PDE11A: variants seen among roughly 807,000 people sequenced by gnomAD.
The protein encoded by PDE11A is phosphodiesterase 11A.
In PDE11A, 100 loss-of-function variants were observed where a neutral mutation model predicts 100.5. The ratio of observed to expected loss-of-function variants is 1.00; its 90% CI spans 0.85 to 1.18. The LOEUF (loss-of-function observed/expected upper bound fraction) is 1.18. Ranked by LOEUF, PDE11A falls within the 50% of genes most tolerant of loss-of-function variation. The pLI is 0.00. For missense variants in PDE11A, 1,141 were observed against 1,152.6 expected (o/e 0.99, Z 0.15); for synonymous variants, 381 against 420.8 (o/e 0.91, Z 1.16).
chr2:177,906,181 G>A (rs532231011), intron 2 of PDE11A, among the ~76,000 whole-genome samples: 4 of 57,620 alleles, frequency 6.9e-5, no homozygotes, highest in Admixed American at 2.8e-4. Flanking sequence ...ACACACACAC[G>A]CACGCACGCA....
At chr2:177,752,050 ACCT>A (rs1041849901) in intron 10 of PDE11A, among the ~76,000 whole-genome samples, 5 of 151,988 alleles carry the variant, frequency 3.3e-5, no homozygotes, top group African/African-American at 4.8e-5. Context: ...CCAGTTCCCC[ACCT>A]CTGCAGCGCT....
At chr2:177,740,922 C>G (rs994871102) in intron 10 of PDE11A, among the ~76,000 whole-genome samples, 1 of 152,136 alleles carries the variant, frequency 6.6e-6, no homozygotes, top group African/African-American at 2.4e-5. Context: ...ACCTCCTGAG[C>G]CAAACAGATG....
At chr2:177,944,763 G>T (rs1360426974) in intron 2 of PDE11A, among the ~76,000 whole-genome samples, 4 of 151,078 alleles carry the variant, frequency 2.6e-5, no homozygotes, top group African/African-American at 9.7e-5. Flanking sequence ...CTCCGAGGCC[G>T]AGGACTCGGT....
At chr2:177,855,514 C>T (rs2083816357) in intron 5 of PDE11A, among the ~76,000 whole-genome samples, 1 of 152,074 alleles carries the variant, frequency 6.6e-6, no homozygotes, top group African/African-American at 2.4e-5. Flanking sequence ...GCATCTCCCT[C>T]TATCCATCTC....
Position 177,988,103 on chromosome 2 carries a change from T to C in PDE11A, c.1071+26199A>G, listed in dbSNP as rs74784467. The stretch of plus-strand genomic sequence containing the variant: ...GAGAATCTTCACTCTAAAGCTCTGA[T>C]GAAAGCAACCCAGGCCTGGATCAAT... On this transcript the variant is annotated intron_variant, in intron 2 of 19. Coordinates refer to ENST00000286063, the MANE Select transcript of PDE11A (RefSeq NM_016953.4). 3.6e-3 allele frequency among the ~76,000 whole-genome samples: 541 copies of C among 152,314 alleles called. 4 individuals are homozygous for C. The highest frequency in any genetic ancestry group is 0.012 in the African/African-American group (516 of 41,554).
At position 177,697,429 on chromosome 2, in the gene PDE11A, G is replaced by C. The variant is rs1413073522; in HGVS notation, c.2248C>G (p.His750Asp). 19 of 1,496,660 alleles carry C rather than the reference G, an allele frequency of 1.3e-5. No individual in the cohort carries two copies. Among genetic ancestry groups the C allele is most frequent in the Non-Finnish European group, 1.7e-5 (18 of 1,073,050 alleles). 92.7% of individuals were successfully genotyped at this position (1,496,660 alleles called of 1,614,324 possible). A position where few individuals can be genotyped will look rare whatever the true frequency, so the allele number is the denominator to read the frequency against. ...GAGGACAGGTTAGCAAAGATATTGT[G>C]ACCCTGTAATGAGAAAGTAAAAAGT... ...HAVMILQSEG[H>D]NIFANLSSKE... The change falls in exon 15 of 20, where the codon CAC becomes GAC. Residue 750 changes from histidine (H) to aspartate (D), a missense_variant. His to Asp is a moderately conservative substitution (Grantham distance 81, BLOSUM62 -1). Coordinates refer to ENST00000286063, the MANE Select transcript of PDE11A (RefSeq NM_016953.4).
At chr2:177,759,173 G>GCGTGCA in intron 10 of PDE11A, among the ~76,000 whole-genome samples, 1 of 147,424 alleles carries the variant, frequency 6.8e-6, no homozygotes, top group East Asian at 2.0e-4. Context: ...TGGAGCACGT[G>GCGTGCA]CACACACACA....
At chr2:178,040,687 G>T (rs1405275222) in intron 1 of PDE11A, among the ~76,000 whole-genome samples, 1 of 152,080 alleles carries the variant, frequency 6.6e-6, no homozygotes, top group African/African-American at 2.4e-5. Flanking sequence ...ATACTAAAAT[G>T]GAATGTTTCT....
chr2:177,755,184 C>T (rs922563363), intron 10 of PDE11A, among the ~76,000 whole-genome samples: 12 of 152,108 alleles, frequency 7.9e-5, no homozygotes, highest in African/African-American at 2.9e-4. Flanking sequence ...TATTTATTTG[C>T]CTTATAATAT....
At chr2:178,043,293 A>G (rs1559052228) in intron 1 of PDE11A, among the ~76,000 whole-genome samples, 1 of 152,180 alleles carries the variant, frequency 6.6e-6, no homozygotes, top group African/African-American at 2.4e-5. Context: ...AAATTTCTCC[A>G]CTGGGTCCTC....
chr2:177,845,857 C>T (rs529708853), intron 5 of PDE11A, among the ~76,000 whole-genome samples: 20 of 152,316 alleles, frequency 1.3e-4, no homozygotes, highest in South Asian at 6.2e-4. Flanking sequence ...AGCGAAACCC[C>T]GTCTCCACCA....
At chr2:177,825,350 A>G (rs138645217) in intron 6 of PDE11A, among the ~76,000 whole-genome samples, 251 of 152,316 alleles carry the variant, frequency 1.6e-3, no homozygotes, top group African/African-American at 5.5e-3. Flanking sequence ...AGGTGAGGCT[A>G]AGGAATGGTG....
At chr2:177,945,746 G>T (rs867127565) in intron 2 of PDE11A, among the ~76,000 whole-genome samples, 1 of 130,528 alleles carries the variant, frequency 7.7e-6, no homozygotes, top group East Asian at 2.4e-4. Context: ...TCAGCCCCCC[G>T]CCCGGCCAGC....
At chr2:177,735,169 G>T (rs953241594) in intron 10 of PDE11A, among the ~76,000 whole-genome samples, 1 of 152,102 alleles carries the variant, frequency 6.6e-6, no homozygotes, top group Non-Finnish European at 1.5e-5. Context: ...GGAACCCCCG[G>T]GAGAGTTTAG....
upstream of PDE11A, among the ~76,000 whole-genome samples, chr2:178,077,266 T>C (rs568948743): frequency 0.35 from 40,187 of 115,978 alleles, 5,234 homozygotes; most frequent in East Asian, 0.47. Flanking sequence ...CTTTCTTTTT[T>C]TTTTTTTTTT....
chr2:177,900,381 T>A (rs2084677861), intron 3 of PDE11A, among the ~76,000 whole-genome samples: 1 of 152,242 alleles, frequency 6.6e-6, no homozygotes, highest in African/African-American at 2.4e-5. Context: ...ATGACTAATT[T>A]TCAACTTCAA....
intron 13 of PDE11A, among the ~76,000 whole-genome samples, chr2:177,703,041 C>T (rs1417106338): frequency 6.6e-6 from 1 of 151,992 alleles, no homozygotes; most frequent in Non-Finnish European, 1.5e-5. Flanking sequence ...TTCTGTGATG[C>T]TTTATATGCA....
intron 2 of PDE11A, among the ~76,000 whole-genome samples, chr2:177,921,091 A>T: frequency 6.8e-6 from 1 of 146,016 alleles, no homozygotes; most frequent in East Asian, 2.0e-4. Context: ...TTCAAAAATA[A>T]CTTTTTTTTT....
At chr2:177,824,537 G>A (rs1021083387) in intron 6 of PDE11A, among the ~76,000 whole-genome samples, 1 of 152,112 alleles carries the variant, frequency 6.6e-6, no homozygotes, top group Non-Finnish European at 1.5e-5. Context: ...TCCGGAAATA[G>A]GTTTATTGAT....
Sources: gnomAD v4.1 joint callset for allele counts (sites outside exome capture counted in the v4.1 genomes callset) on GRCh38, gnomAD v4.1.1 for gene constraint, MANE v1.5 for transcripts, NCBI Gene and HGNC (gene_info 2026-07-23, HGNC 2026-07-21) for gene names.